MAPKAP1: variants seen among roughly 807,000 people sequenced by gnomAD.
The protein encoded by MAPKAP1 is MAPK associated protein 1, also known as target of rapamycin complex 2 subunit MAPKAP1.
In MAPKAP1, 20 loss-of-function variants were observed where a neutral mutation model predicts 65.7. The observed-to-expected ratio is 0.30, with a 90% confidence interval of 0.21 to 0.44. The LOEUF (loss-of-function observed/expected upper bound fraction) is 0.44, where lower values mean the gene tolerates loss of function less well. MAPKAP1 is among the 20% of genes least tolerant of loss of function. MAPKAP1 has a pLI of 1.00. For synonymous variants in MAPKAP1, 222 were observed against 244.3 expected (o/e 0.91, Z 0.85); for missense variants, 423 against 648.0 (o/e 0.65, Z 3.77).
At chr9:125,615,265 T>C (rs1357497205) in intron 4 of MAPKAP1, among the ~76,000 whole-genome samples, 3 of 152,306 alleles carry the variant, frequency 2.0e-5, no homozygotes, top group East Asian at 1.9e-4. Context: ...AAAGATATTA[T>C]AGGTCACTTA....
At chr9:125,457,101 G>A (rs1853200914) in intron 10 of MAPKAP1, among the ~76,000 whole-genome samples, 1 of 151,248 alleles carries the variant, frequency 6.6e-6, no homozygotes, top group African/African-American at 2.4e-5. Flanking sequence ...CGATTCTCCT[G>A]CCTCAGCCTC....
intron 5 of MAPKAP1, among the ~76,000 whole-genome samples, chr9:125,564,848 A>C (rs1220582436): frequency 3.9e-5 from 6 of 152,166 alleles, no homozygotes; most frequent in Non-Finnish European, 7.3e-5. Context: ...CAGAGACCTA[A>C]AAGTCCTGTT....
Position 125,677,067 on chromosome 9 carries a change from A to G in MAPKAP1, c.-69-4424T>C, listed in dbSNP as rs148236634. Among the ~76,000 whole-genome samples the G allele has an allele frequency of 5.1e-3, 784 of 152,306 alleles. 12 individuals are homozygous for G. Among genetic ancestry groups the G allele is most frequent in the South Asian group, 0.026 (125 of 4,832 alleles). ...GAACAAGGTTTAGAAATGCTATTCTACACTTTCACAAATGCTGTCTCTTCA... is the reference window on the plus strand; with the variant it reads ...GAACAAGGTTTAGAAATGCTATTCTGCACTTTCACAAATGCTGTCTCTTCA... On this transcript the variant is annotated intron_variant, in intron 1 of 11. Coordinates refer to ENST00000265960, the MANE Select transcript of MAPKAP1 (RefSeq NM_001006617.3).
intron 1 of MAPKAP1, among the ~76,000 whole-genome samples, chr9:125,688,639 T>C (rs1274462910): frequency 2.6e-5 from 4 of 152,208 alleles, no homozygotes; most frequent in South Asian, 2.1e-4. Context: ...GATGGGCGGA[T>C]TGCTTGAGCA....
intron 7 of MAPKAP1, among the ~76,000 whole-genome samples, chr9:125,525,630 G>A (rs1275913899): frequency 1.3e-5 from 2 of 151,618 alleles, no homozygotes; most frequent in Admixed American, 6.6e-5. Flanking sequence ...CTGAGATTGC[G>A]CCATTGCACT....
intron 10 of MAPKAP1, among the ~76,000 whole-genome samples, chr9:125,445,150 G>C (rs1162686552): frequency 6.6e-6 from 1 of 151,982 alleles, no homozygotes; most frequent in Non-Finnish European, 1.5e-5. Flanking sequence ...GGGGGCGGGG[G>C]GGGCACCATG....
chr9:125,605,764 A>T (rs1262422119), intron 4 of MAPKAP1, among the ~76,000 whole-genome samples: 1 of 152,238 alleles, frequency 6.6e-6, no homozygotes, highest in African/African-American at 2.4e-5. Flanking sequence ...CCTAAAGGAA[A>T]CAATGGAACA....
intron 6 of MAPKAP1, among the ~76,000 whole-genome samples, chr9:125,551,866 G>A (rs1830594685): frequency 6.6e-6 from 1 of 152,184 alleles, no homozygotes; most frequent in Admixed American, 6.5e-5. Flanking sequence ...ATCCTTGAGA[G>A]GCACTTAGCC....
intron 7 of MAPKAP1, among the ~76,000 whole-genome samples, chr9:125,511,130 A>C (rs1032072736): frequency 6.6e-6 from 1 of 152,104 alleles, no homozygotes; most frequent in Non-Finnish European, 1.5e-5. Flanking sequence ...CCAATGCATT[A>C]ATAGTGTGAT....
intron 7 of MAPKAP1, among the ~76,000 whole-genome samples, chr9:125,530,748 G>A (rs1163981923): frequency 6.6e-6 from 1 of 152,164 alleles, no homozygotes; most frequent in Non-Finnish European, 1.5e-5. Context: ...TCTACCACAA[G>A]GTAAAAACTT....
chr9:125,659,748 T>A (rs557350140), intron 3 of MAPKAP1, among the ~76,000 whole-genome samples: 1 of 150,778 alleles, frequency 6.6e-6, no homozygotes, highest in South Asian at 2.1e-4. Flanking sequence ...CTCTATCCCA[T>A]ACTCCCTCCC....
chr9:125,553,715 A>C (rs1830654218), intron 6 of MAPKAP1, among the ~76,000 whole-genome samples: 1 of 152,196 alleles, frequency 6.6e-6, no homozygotes, highest in Non-Finnish European at 1.5e-5. Flanking sequence ...CCAATAGCCT[A>C]AATATTTACC....
intron 7 of MAPKAP1, among the ~76,000 whole-genome samples, chr9:125,514,163 CTCT>C (rs1554814959): frequency 6.6e-6 from 1 of 152,188 alleles, no homozygotes; most frequent in Non-Finnish European, 1.5e-5. Context: ...TCCCTCTTCC[CTCT>C]TCTTCACCTA....
chr9:125,689,691 A>T (rs1459708131), intron 1 of MAPKAP1, among the ~76,000 whole-genome samples: 4 of 149,028 alleles, frequency 2.7e-5, no homozygotes, highest in African/African-American at 9.9e-5. Context: ...GTGAGCCATG[A>T]TCGCACCACT....
intron 4 of MAPKAP1, among the ~76,000 whole-genome samples, chr9:125,651,331 G>A (rs891152400): frequency 9.2e-5 from 14 of 152,128 alleles, no homozygotes; most frequent in African/African-American, 3.1e-4. Context: ...TAGGTTGGAC[G>A]CAGTGGCTCA....
At position 125,563,780 on chromosome 9, in the gene MAPKAP1, G is replaced by A. The variant is rs892940135; in HGVS notation, c.672-3971C>T. Among the ~76,000 whole-genome samples, 5 of 151,948 alleles carry A rather than the reference G, an allele frequency of 3.3e-5. No homozygotes were observed. The South Asian group carries it at 6.2e-4, about 19-fold the overall frequency. On this transcript the variant is annotated intron_variant, in intron 5 of 11. Coordinates refer to ENST00000265960, the MANE Select transcript of MAPKAP1 (RefSeq NM_001006617.3). ...CACCCAGGCTAGAGTGCAATGGCACGATCTCTGCTCACTGAAACCTCTGCC... is the reference window on the plus strand; with the variant it reads ...CACCCAGGCTAGAGTGCAATGGCACAATCTCTGCTCACTGAAACCTCTGCC...
chr9:125,524,541 A>G (rs1332612048), intron 7 of MAPKAP1, among the ~76,000 whole-genome samples: 2 of 152,256 alleles, frequency 1.3e-5, no homozygotes, highest in African/African-American at 4.8e-5. Flanking sequence ...GTGACTTACA[A>G]CCGAACATGT....
At chr9:125,657,622 TAAAGGGAC>T in intron 4 of MAPKAP1, 21 bp downstream of exon 4, 1 of 1,574,928 alleles carries the variant, frequency 6.3e-7, no homozygotes. Flanking sequence ...CAGTTTTACT[TAAAGGGAC>T]AAAGTCTCAT....
intron 4 of MAPKAP1, chr9:125,596,396 T>C: frequency 2.4e-6 from 2 of 818,438 alleles, no homozygotes; most frequent in Non-Finnish European, 4.2e-6. Context: ...GGGATGGCTA[T>C]AATGGATTTG....
Sources: allele counts gnomAD v4.1 joint callset (sites outside exome capture counted in the v4.1 genomes callset), GRCh38; gene constraint gnomAD v4.1.1; transcripts MANE v1.5; gene names NCBI Gene and HGNC (gene_info 2026-07-23, HGNC 2026-07-21).